Variants in TMEM65 observed in about 807,000 individuals in gnomAD.
The protein encoded by TMEM65 is transmembrane protein 65.
A neutral mutation model predicts 25.4 loss-of-function variants in TMEM65; 22 were observed. That is an observed-to-expected ratio of 0.86 (90% CI 0.62 to 1.23). TMEM65 has a LOEUF of 1.23. TMEM65 is among the 50% of genes most tolerant of loss of function. The pLI, the probability that TMEM65 is intolerant of heterozygous loss-of-function variation, is 0.00. For missense variants in TMEM65, 262 were observed against 308.2 expected (o/e 0.85, Z 1.12); for synonymous variants, 132 against 126.2 (o/e 1.05, Z -0.31).
intron 4 of TMEM65, 47 bp downstream of exon 4, chr8:124,323,274 T>C: frequency 1.8e-6 from 2 of 1,086,256 alleles, no homozygotes; most frequent in Non-Finnish European, 2.7e-6. Flanking sequence ...TACTGAAATG[T>C]TTTATAAGTG....
intron 1 of TMEM65, among the ~76,000 whole-genome samples, chr8:124,367,682 C>T (rs1814956299): frequency 6.6e-6 from 1 of 152,114 alleles, no homozygotes; most frequent in Non-Finnish European, 1.5e-5. Context: ...TGTCAACGTC[C>T]TCTTATACTA....
At chr8:124,318,678 A>G (rs921880900) in intron 6 of TMEM65, among the ~76,000 whole-genome samples, 2 of 152,036 alleles carry the variant, frequency 1.3e-5, no homozygotes, top group African/African-American at 4.8e-5. Flanking sequence ...ATCCAGCTGC[A>G]ATAATTTACA....
Position 124,336,621 on chromosome 8 carries a change from A to C in TMEM65, c.305-5829T>G, listed in dbSNP as rs576739347. Among the ~76,000 whole-genome samples the C allele has an allele frequency of 3.3e-5, 5 of 152,154 alleles. No individual in the cohort carries two copies. The South Asian group carries it at 6.2e-4, about 19-fold the overall frequency. On this transcript the variant is annotated intron_variant, in intron 1 of 6. Transcript: ENST00000297632. ...AAAAAGGAAATTAGAAAATATTTCAAACTGAGTAACAATGAAAATGCAATA... is the reference window on the plus strand; with the variant it reads ...AAAAAGGAAATTAGAAAATATTTCACACTGAGTAACAATGAAAATGCAATA...
At chr8:124,356,905 A>C (rs1365928760) in intron 1 of TMEM65, among the ~76,000 whole-genome samples, 1 of 151,924 alleles carries the variant, frequency 6.6e-6, no homozygotes, top group East Asian at 1.9e-4. Context: ...ACGGGGTTTT[A>C]CCATGTTGTC....
intron 6 of TMEM65, among the ~76,000 whole-genome samples, chr8:124,316,412 A>T (rs1220223067): frequency 6.6e-6 from 1 of 152,214 alleles, no homozygotes; most frequent in African/African-American, 2.4e-5. Flanking sequence ...TATCATGGGT[A>T]AATTTCAGAG....
chr8:124,323,731 T>C lies in TMEM65; in HGVS notation c.418-356A>G, dbSNP rs117462856. Among the ~76,000 whole-genome samples the C allele has an allele frequency of 9.7e-4, 147 of 152,208 alleles. 1 individual carries two copies. In the East Asian group the frequency reaches 0.017, roughly 17 times the overall value. The stretch of plus-strand genomic sequence containing the variant: ...AGACCGACTCACATTGATTTTAAAT[T>C]CTGAACTATACATCTATACTATTGT... On this transcript the variant is annotated intron_variant, in intron 3 of 6. Transcript: ENST00000297632.
At chr8:124,342,368 T>A (rs1460499609) in intron 1 of TMEM65, among the ~76,000 whole-genome samples, 7 of 152,120 alleles carry the variant, frequency 4.6e-5, no homozygotes. Flanking sequence ...AAGAAACTCA[T>A]TGGTTCATAA....
At chr8:124,362,653 C>T (rs1432696332) in intron 1 of TMEM65, among the ~76,000 whole-genome samples, 4 of 3,856 alleles carry the variant, frequency 1.0e-3, no homozygotes, top group African/African-American at 7.5e-3. Flanking sequence ...TAGAGCAAGA[C>T]TCTTGTCTCA....
chr8:124,349,882 C>A (rs1367984768), intron 1 of TMEM65, among the ~76,000 whole-genome samples: 2 of 151,844 alleles, frequency 1.3e-5, no homozygotes, highest in East Asian at 3.8e-4. Flanking sequence ...GTATCTTATT[C>A]TTAATAGAAT....
chr8:124,371,833 C>T, intron 1 of TMEM65, 21 bp downstream of exon 1: 1 of 1,502,108 alleles, frequency 6.7e-7, no homozygotes, highest in South Asian at 1.2e-5. Context: ...CCCGGGCTCG[C>T]CCCCCACCTG....
At position 124,372,341 on chromosome 8, in the gene TMEM65, T is replaced by G; in HGVS notation, c.-184A>C. ...TCTCGCCTCCTGTTCCGTCCCCACT[T>G]CCTTTCCAAAAGGCCCGCGGCGGCT... On this transcript the variant is annotated 5_prime_UTR_variant, in exon 1 of 7. Coordinates refer to ENST00000297632, the MANE Select transcript of TMEM65 (RefSeq NM_194291.3). The G allele has an allele frequency of 2.8e-6, 1 of 360,614 alleles. No individual in the cohort carries two copies. The highest frequency in any genetic ancestry group is 4.0e-6 in the Non-Finnish European group (1 of 248,726). 22.3% of individuals were successfully genotyped at this position (360,614 alleles called of 1,614,324 possible).
At chr8:124,349,717 A>T (rs1814682323) in intron 1 of TMEM65, among the ~76,000 whole-genome samples, 1 of 152,160 alleles carries the variant, frequency 6.6e-6, no homozygotes. Context: ...GTACCACCTA[A>T]ACATTCATAA....
intron 1 of TMEM65, among the ~76,000 whole-genome samples, chr8:124,343,528 A>G (rs1182080813): frequency 6.6e-6 from 1 of 152,078 alleles, no homozygotes; most frequent in Non-Finnish European, 1.5e-5. Flanking sequence ...CAATACCAAC[A>G]TGTTCTCTGC....
intron 1 of TMEM65, among the ~76,000 whole-genome samples, chr8:124,365,074 C>T (rs536844101): frequency 6.6e-6 from 1 of 152,122 alleles, no homozygotes; most frequent in African/African-American, 2.4e-5. Flanking sequence ...TCCACCTGAC[C>T]CTCTGGATGA....
intron 1 of TMEM65, among the ~76,000 whole-genome samples, chr8:124,334,090 T>C (rs1291718590): frequency 1.3e-5 from 2 of 152,236 alleles, no homozygotes; most frequent in East Asian, 3.9e-4. Context: ...CACAAGAGTT[T>C]GCAGTTTGAA....
At chr8:124,360,704 G>A (rs142848514) in intron 1 of TMEM65, among the ~76,000 whole-genome samples, 98 of 152,166 alleles carry the variant, frequency 6.4e-4, no homozygotes, top group East Asian at 2.3e-3. Context: ...TTTCTACCTC[G>A]TTTCATCTAA....
At chr8:124,328,334 G>A (rs62529966) in intron 2 of TMEM65, among the ~76,000 whole-genome samples, 3,034 of 151,750 alleles carry the variant, frequency 0.02, 45 homozygotes, top group Non-Finnish European at 0.029. Flanking sequence ...AACCCAGGCA[G>A]CAGAGGTTGC....
chr8:124,326,495 TC>T lies in TMEM65; in HGVS notation c.417+858del, dbSNP rs1470484073. Among the ~76,000 whole-genome samples the T allele has an allele frequency of 2.3e-4, 35 of 152,152 alleles. 2 individuals are homozygous for T. The East Asian group carries it at 6.7e-3, about 29-fold the overall frequency. The stretch of plus-strand genomic sequence containing the variant: ...GTATCTGTGAATGTGAGAAACTTAT[TC>T]AACTATTTAGAACCACACTGCCTTC... On this transcript the variant is annotated intron_variant, in intron 3 of 6. Transcript: ENST00000297632.
intron 6 of TMEM65, 126 bp from the exon 7 acceptor site, chr8:124,314,187 A>G: frequency 1.4e-6 from 1 of 709,324 alleles, no homozygotes; most frequent in Non-Finnish European, 2.4e-6. Flanking sequence ...ATTCCTCTTC[A>G]ATATTTATCC....
Sources: gnomAD v4.1 joint callset for allele counts (sites outside exome capture counted in the v4.1 genomes callset) on GRCh38, gnomAD v4.1.1 for gene constraint, MANE v1.5 for transcripts, NCBI Gene and HGNC (gene_info 2026-07-23, HGNC 2026-07-21) for gene names.